SLIT2: variants seen among roughly 807,000 people sequenced by gnomAD.
SLIT2 encodes the protein slit guidance ligand 2.
Under a neutral mutation model 185.7 loss-of-function variants are expected in SLIT2, and 41 were observed. The ratio of observed to expected loss-of-function variants is 0.22; its 90% CI spans 0.17 to 0.29. The LOEUF (loss-of-function observed/expected upper bound fraction) is 0.29, where lower values mean the gene tolerates loss of function less well. SLIT2 is among the 10% of genes least tolerant of loss of function. SLIT2 has a pLI of 1.00. For missense variants in SLIT2, 1,571 were observed against 1,909.0 expected, an observed-to-expected ratio of 0.82 and a Z score of 3.30; for synonymous variants, 693 against 680.2, an observed-to-expected ratio of 1.02 and a Z score of -0.29.
At position 20,252,194 on chromosome 4, in the gene SLIT2, C is replaced by T. The variant is rs1200540474; in HGVS notation, c.-1622C>T. ...TTTGGCTACGCTGAGCGCCAGTCAG[C>T]CCCAGCGAACAACTCCAGTTACGAC... On this transcript the variant is annotated 5_prime_UTR_variant, in exon 1 of 37. Transcript: ENST00000504154. 6.6e-6 allele frequency among the ~76,000 whole-genome samples: 1 copy of T among 151,950 alleles called. No individual in the cohort carries two copies. Among genetic ancestry groups the T allele is most frequent in the African/African-American group, 2.4e-5 (1 of 41,390 alleles).
At chr4:20,364,248 A>G in intron 4 of SLIT2, 2 of 984,636 alleles carry the variant, frequency 2.0e-6, no homozygotes, top group Non-Finnish European at 2.4e-6. Context: ...CCACAAAGAC[A>G]GCTTTCTGCA....
At chr4:20,410,251 T>TTC (rs1727127717) in intron 4 of SLIT2, among the ~76,000 whole-genome samples, 1 of 133,498 alleles carries the variant, frequency 7.5e-6, no homozygotes, top group Non-Finnish European at 1.6e-5. Context: ...TTCTTTTTTT[T>TTC]TTTTTTTTTT....
At chr4:20,398,041 G>A (rs1726055872) in intron 4 of SLIT2, among the ~76,000 whole-genome samples, 2 of 151,784 alleles carry the variant, frequency 1.3e-5, no homozygotes, top group African/African-American at 4.8e-5. Flanking sequence ...GCATCTGTGA[G>A]ATACCCATGA....
At chr4:20,524,213 C>T in intron 14 of SLIT2, 36 bp downstream of exon 14, 1 of 1,600,538 alleles carries the variant, frequency 6.2e-7, no homozygotes, top group Non-Finnish European at 8.6e-7. Flanking sequence ...CTGTGACCAA[C>T]AACAATGGTT....
chr4:20,582,201 C>A (rs1488882211), intron 29 of SLIT2, among the ~76,000 whole-genome samples: 1 of 152,210 alleles, frequency 6.6e-6, no homozygotes, highest in African/African-American at 2.4e-5. Flanking sequence ...GGGCTCACTC[C>A]CCATCTCTTA....
At chr4:20,259,192 T>C (rs1712178909) in intron 3 of SLIT2, among the ~76,000 whole-genome samples, 1 of 151,720 alleles carries the variant, frequency 6.6e-6, no homozygotes, top group Admixed American at 6.6e-5. Flanking sequence ...GTTGCATTCA[T>C]AACAAAGCTT....
intron 4 of SLIT2, among the ~76,000 whole-genome samples, chr4:20,438,104 T>C (rs1300738886): frequency 6.6e-6 from 1 of 152,064 alleles, no homozygotes; most frequent in Admixed American, 6.6e-5. Flanking sequence ...TCTGGAATAC[T>C]CTCTTTTCTG....
chr4:20,396,198 A>G (rs953061970), intron 4 of SLIT2, among the ~76,000 whole-genome samples: 8 of 151,942 alleles, frequency 5.3e-5, no homozygotes, highest in African/African-American at 1.4e-4. Flanking sequence ...GTGTCTGCAT[A>G]TAAATGTATG....
At chr4:20,582,788 A>G (rs1726701652) in intron 29 of SLIT2, among the ~76,000 whole-genome samples, 1 of 152,192 alleles carries the variant, frequency 6.6e-6, no homozygotes, top group South Asian at 2.1e-4. Context: ...GCTTGTCCAA[A>G]TTACCAACAT....
At chr4:20,510,377 A>G (rs1719595039) in intron 9 of SLIT2, 118 bp from the exon 10 acceptor site, 1 of 728,396 alleles carries the variant, frequency 1.4e-6, no homozygotes, top group Non-Finnish European at 2.4e-6. Flanking sequence ...TTTCAGGAAA[A>G]AAATATATCA....
chr4:20,337,208 A>G lies in SLIT2; in HGVS notation c.395+68327A>G, dbSNP rs114749252. Among the ~76,000 whole-genome samples the G allele has an allele frequency of 4.5e-3, 680 of 152,320 alleles. 3 individuals carry two copies. The highest frequency in any genetic ancestry group is 0.015 in the African/African-American group (642 of 41,588). ...ACAGGAAAAAGGGTTTAATGGACTT[A>G]CAGTTCCCCGTGGCTGGGAAGGCCT... On this transcript the variant is annotated intron_variant, in intron 4 of 36. Transcript: ENST00000504154.
At chr4:20,504,422 C>T (rs1719013452) in intron 9 of SLIT2, among the ~76,000 whole-genome samples, 1 of 152,106 alleles carries the variant, frequency 6.6e-6, no homozygotes, top group South Asian at 2.1e-4. Flanking sequence ...ATGTTACAGA[C>T]ACAATCAATC....
At chr4:20,292,684 T>C (rs1489491226) in intron 4 of SLIT2, among the ~76,000 whole-genome samples, 2 of 152,242 alleles carry the variant, frequency 1.3e-5, no homozygotes, top group African/African-American at 4.8e-5. Flanking sequence ...ACACATGTAT[T>C]ATTTCTCTAT....
chr4:20,389,878 C>A (rs1001589157), intron 4 of SLIT2, among the ~76,000 whole-genome samples: 1 of 152,086 alleles, frequency 6.6e-6, no homozygotes, highest in Non-Finnish European at 1.5e-5. Flanking sequence ...TTTGACAAAA[C>A]AAGTATCTTC....
chr4:20,572,351 C>G lies in SLIT2; in HGVS notation c.3088+3347C>G, dbSNP rs1213511353. On this transcript the variant is annotated intron_variant, in intron 29 of 36. Transcript: ENST00000504154. Reference sequence around the variant, plus strand: ...TCACTATGAATCTAAATTAACATCCCTATACTATTAAGAAAGTAGGACTTC... The same window carrying G: ...TCACTATGAATCTAAATTAACATCCGTATACTATTAAGAAAGTAGGACTTC... Among the ~76,000 whole-genome samples the G allele has an allele frequency of 2.0e-5, 3 of 152,212 alleles. No individual in the cohort carries two copies. The East Asian group carries it at 5.8e-4, about 29-fold the overall frequency.
chr4:20,372,781 A>G (rs1723702551), intron 4 of SLIT2, among the ~76,000 whole-genome samples: 1 of 152,058 alleles, frequency 6.6e-6, no homozygotes, highest in Admixed American at 6.6e-5. Flanking sequence ...AAGCAAGTGT[A>G]TTGATTTGGG....
At chr4:20,463,357 GTTCC>G (rs1163606676) in intron 4 of SLIT2, among the ~76,000 whole-genome samples, 1 of 149,492 alleles carries the variant, frequency 6.7e-6, no homozygotes, top group African/African-American at 2.5e-5. Context: ...GCCAATGACT[GTTCC>G]TTCTTTGATC....
At chr4:20,444,495 C>T (rs1711551774) in intron 4 of SLIT2, among the ~76,000 whole-genome samples, 1 of 151,966 alleles carries the variant, frequency 6.6e-6, no homozygotes. Context: ...TGTCTCCAGG[C>T]TTAGGGGTCA....
At chr4:20,562,668 G>A (rs904972714) in intron 26 of SLIT2, among the ~76,000 whole-genome samples, 1 of 151,728 alleles carries the variant, frequency 6.6e-6, no homozygotes, top group African/African-American at 2.4e-5. Context: ...AATTAATGAT[G>A]GAATGTTGTT....
Sources: allele counts gnomAD v4.1 joint callset (sites outside exome capture counted in the v4.1 genomes callset), GRCh38; gene constraint gnomAD v4.1.1; transcripts MANE v1.5; gene names NCBI Gene and HGNC (gene_info 2026-07-23, HGNC 2026-07-21).